The following LRRFIP1 variants were observed in gnomAD, a reference collection of about 807,000 sequenced individuals.
The protein encoded by LRRFIP1 is leucine-rich repeat flightless-interacting protein 1.
Under a neutral mutation model 104.4 loss-of-function variants are expected in LRRFIP1, and 62 were observed. The ratio of observed to expected loss-of-function variants is 0.59; its 90% confidence interval spans 0.48 to 0.73. The LOEUF (loss-of-function observed/expected upper bound fraction) is 0.73, where lower values mean the gene tolerates loss of function less well. Ranked by LOEUF, LRRFIP1 falls within the 30% of genes least tolerant of loss-of-function variation. LRRFIP1 has a pLI of 0.00. For missense variants in LRRFIP1, 796 were observed against 824.5 expected (o/e 0.97, Z 0.42); for synonymous variants, 300 against 299.0 (o/e 1.00, Z -0.03).
chr2:237,690,216 G>A (rs1424292102), intron 1 of LRRFIP1, among the ~76,000 whole-genome samples: 1 of 152,142 alleles, frequency 6.6e-6, no homozygotes, highest in Non-Finnish European at 1.5e-5. Context: ...ACCCTGCTCT[G>A]GGAGATGTGG....
intron 8 of LRRFIP1, among the ~76,000 whole-genome samples, chr2:237,732,953 G>C (rs1482382939): frequency 6.6e-6 from 1 of 152,166 alleles, no homozygotes; most frequent in Admixed American, 6.5e-5. Flanking sequence ...TAGGTATCGA[G>C]TCTTATTCTA....
At chr2:237,690,903 A>C (rs1384402362) in intron 1 of LRRFIP1, among the ~76,000 whole-genome samples, 1 of 152,036 alleles carries the variant, frequency 6.6e-6, no homozygotes, top group Admixed American at 6.6e-5. Context: ...TGTTCATCTT[A>C]AGTTCAACGT....
At chr2:237,692,246 G>T (rs1055407495) in intron 1 of LRRFIP1, 288 of 1,129,436 alleles carry the variant, frequency 2.5e-4, no homozygotes, top group Admixed American at 2.5e-4. Context: ...GGCCACCTGC[G>T]CCCCGCCCCT....
intron 19 of LRRFIP1, chr2:237,769,112 T>G (rs1226947523): frequency 6.6e-6 from 1 of 152,238 alleles, no homozygotes; most frequent in Non-Finnish European, 1.5e-5. Flanking sequence ...AACGAGCTAA[T>G]GATGTCGAAG....
Position 237,781,463 on chromosome 2 carries a change from C to G in LRRFIP1, c.*1931C>G, listed in dbSNP as rs1213811603. ...ATCGATTCCCAGGTGTCTCACAGCC[C>G]TGAGAAGATGGCGTTTTCCCTATCA... On this transcript the variant is annotated 3_prime_UTR_variant, in exon 24 of 24. Coordinates refer to ENST00000308482, the MANE Select transcript of LRRFIP1 (RefSeq NM_001137550.2). Among the ~76,000 whole-genome samples, 1 of 152,176 alleles carries G rather than the reference C, an allele frequency of 6.6e-6. No homozygotes were observed. The highest frequency in any genetic ancestry group is 2.4e-5 in the African/African-American group (1 of 41,436).
chr2:237,729,063 C>T (rs984549052), intron 8 of LRRFIP1, among the ~76,000 whole-genome samples: 1 of 152,218 alleles, frequency 6.6e-6, no homozygotes, highest in Non-Finnish European at 1.5e-5. Context: ...GCTTGGATTA[C>T]AGGCATCCAC....
chr2:237,736,392 A>G (rs3820809), intron 10 of LRRFIP1, among the ~76,000 whole-genome samples: 34,563 of 152,156 alleles, frequency 0.23, 6,692 homozygotes, highest in African/African-American at 0.53. Flanking sequence ...TAAACCATGC[A>G]TGAAGAATGA....
At chr2:237,658,854 A>T (rs565218700) in intron 1 of LRRFIP1, among the ~76,000 whole-genome samples, 18 of 152,334 alleles carry the variant, frequency 1.2e-4, no homozygotes, top group African/African-American at 4.1e-4. Context: ...ATTACAATCC[A>T]AGATGAGATT....
At chr2:237,737,399 T>G (rs1021879525) in intron 10 of LRRFIP1, among the ~76,000 whole-genome samples, 1 of 152,174 alleles carries the variant, frequency 6.6e-6, no homozygotes, top group Non-Finnish European at 1.5e-5. Flanking sequence ...ACTTAAAGCT[T>G]TCTGACTTCT....
intron 7 of LRRFIP1, among the ~76,000 whole-genome samples, chr2:237,727,494 C>G (rs2094806974): frequency 6.6e-6 from 1 of 152,198 alleles, no homozygotes; most frequent in Non-Finnish European, 1.5e-5. Context: ...ACCCATCGGC[C>G]TGGCATGTGG....
Position 237,703,494 on chromosome 2 carries a change from G to A in LRRFIP1, c.97-5050G>A, listed in dbSNP as rs949990167. ...CTTTCAAGACGAGGTTCCAGATACG[G>A]AGGCTGAGGGCGAGGGTCTGCACCC... On this transcript the variant is annotated intron_variant, in intron 1 of 23. Coordinates refer to ENST00000308482, the MANE Select transcript of LRRFIP1 (RefSeq NM_001137550.2). The surrounding 1 kb of genome is among the most constrained non-coding windows in gnomAD (Gnocchi z 4.3). 6.6e-6 allele frequency among the ~76,000 whole-genome samples: 1 copy of A among 152,142 alleles called. No homozygotes were observed. The highest frequency in any genetic ancestry group is 6.5e-5 in the Admixed American group (1 of 15,278).
intron 11 of LRRFIP1, among the ~76,000 whole-genome samples, chr2:237,746,532 CATCGGAGTCTGCCTTGGTACTCATCTT>C (rs1198268370): frequency 2.0e-5 from 3 of 152,204 alleles, no homozygotes; most frequent in Non-Finnish European, 4.4e-5. Context: ...GTATCTGTCC[CATCGGAGTCTGCCTTGGTACTCATCTT>C]ATCGGAGTCT....
At chr2:237,740,016 A>G (rs1230228538) in intron 11 of LRRFIP1, among the ~76,000 whole-genome samples, 1 of 152,132 alleles carries the variant, frequency 6.6e-6, no homozygotes, top group East Asian at 1.9e-4. Flanking sequence ...CTGCACGACC[A>G]GACCAGCGTT....
chr2:237,698,915 C>T (rs2093352260), intron 1 of LRRFIP1, among the ~76,000 whole-genome samples: 1 of 152,208 alleles, frequency 6.6e-6, no homozygotes, highest in South Asian at 2.1e-4. Context: ...GTGAGAAAGT[C>T]AACCAGCGCA....
At chr2:237,757,180 TACAG>T (rs1234806037) in intron 16 of LRRFIP1, among the ~76,000 whole-genome samples, 1 of 152,212 alleles carries the variant, frequency 6.6e-6, no homozygotes, top group East Asian at 1.9e-4. Flanking sequence ...AAGAAACTAA[TACAG>T]GGTTGGTTTT....
chr2:237,692,333 A>G (rs2092854430), intron 1 of LRRFIP1: 3 of 1,249,208 alleles, frequency 2.4e-6, no homozygotes, highest in African/African-American at 1.6e-5. Flanking sequence ...GCGAGCGTTC[A>G]CTTAGCGGCG....
chr2:237,743,099 T>C (rs952027622), intron 11 of LRRFIP1, among the ~76,000 whole-genome samples: 7 of 152,044 alleles, frequency 4.6e-5, no homozygotes, highest in African/African-American at 1.7e-4. Flanking sequence ...GATACAGTTG[T>C]TGTAGCGAGA....
At chr2:237,776,343 C>T (rs542954747) in intron 23 of LRRFIP1, among the ~76,000 whole-genome samples, 1 of 152,324 alleles carries the variant, frequency 6.6e-6, no homozygotes, top group Admixed American at 6.5e-5. Context: ...TCAATACTTG[C>T]TTAATGGCCT....
chr2:237,698,557 G>A (rs55884010), intron 1 of LRRFIP1, among the ~76,000 whole-genome samples: 6,341 of 152,328 alleles, frequency 0.042, 487 homozygotes, highest in African/African-American at 0.15. Flanking sequence ...CTGTGGGCCC[G>A]GCCAGGAGCA....
Sources: gnomAD v4.1 joint callset for allele counts (sites outside exome capture counted in the v4.1 genomes callset) on GRCh38, gnomAD v4.1.1 for gene constraint, Gnocchi (gnomAD v3.1) non-coding constraint, MANE v1.5 for transcripts, NCBI Gene and HGNC (gene_info 2026-07-23, HGNC 2026-07-21) for gene names.